PCDHA4: variants seen among roughly 807,000 people sequenced by gnomAD.
The protein encoded by PCDHA4 is protocadherin alpha 4, also known as protocadherin alpha-4.
Under a neutral mutation model 61.4 loss-of-function variants are expected in PCDHA4, and 49 were observed. The observed-to-expected ratio is 0.80, with a 90% CI of 0.63 to 1.01. The LOEUF is 1.01. PCDHA4 is among the 50% of genes least tolerant of loss of function. The probability of loss-of-function intolerance (pLI) is 0.00; values close to 1 mark genes in which losing one functional copy is unlikely to be tolerated. For synonymous variants in PCDHA4, 590 were observed against 550.3 expected (o/e 1.07, Z -1.01); for missense variants, 1,254 against 1,235.8 (o/e 1.01, Z -0.22).
rs2150247452 is a variant in PCDHA4, at chr5:140,835,884, G to C, written c.2385+26312G>C. ...CTCGCTGGTGGAGCTGCGGGTGGGC[G>C]AGCGCGCGCTGTCGAGCTACGTGTC... On this transcript the variant is annotated intron_variant, in intron 1 of 3. Coordinates refer to ENST00000530339, the MANE Select transcript of PCDHA4 (RefSeq NM_018907.4). 57 of 1,611,848 alleles carry C rather than the reference G, an allele frequency of 3.5e-5. No individual in the cohort carries two copies. The highest frequency in any genetic ancestry group is 3.3e-5 in the Non-Finnish European group (39 of 1,179,644).
chr5:140,927,421 G>A, intron 1 of PCDHA4: 2 of 1,614,208 alleles, frequency 1.2e-6, no homozygotes, highest in South Asian at 1.1e-5. Flanking sequence ...GGGATCGCGG[G>A]TTGACGGCAG....
Position 140,927,792 on chromosome 5 carries a change from T to C in PCDHA4, c.2386-51157T>C, listed in dbSNP as rs12522306. On this transcript the variant is annotated intron_variant, in intron 1 of 3. Coordinates refer to ENST00000530339, the MANE Select transcript of PCDHA4 (RefSeq NM_018907.4). The stretch of plus-strand genomic sequence containing the variant: ...AGGTGCAAGTAGCTGCTTCACTAGG[T>C]CCGCCTGAAACGCTCTTGGAGGCAT... 8,419 of 1,614,148 alleles carry C rather than the reference T, an allele frequency of 5.2e-3. 630 individuals carry two copies. The Admixed American group carries it at 0.13, about 25-fold the overall frequency.
intron 1 of PCDHA4, among the ~76,000 whole-genome samples, chr5:140,911,327 C>T (rs2153517846): frequency 6.6e-6 from 1 of 152,324 alleles, no homozygotes; most frequent in South Asian, 2.1e-4. Context: ...GGATCCCATT[C>T]TTTTCCAATC....
intron 1 of PCDHA4, among the ~76,000 whole-genome samples, chr5:140,901,280 T>G (rs1554189719): frequency 1.3e-5 from 2 of 152,132 alleles, no homozygotes. Context: ...CTCAAGAAAT[T>G]TTTGCCCAGA....
rs142150910 is a variant in PCDHA4, at chr5:140,945,405, C to T, written c.2386-33544C>T. ...AGCAATATACAAATTCAATACAATTCGTATCAAAATTTCAATGAAGTTTTT... is the reference window on the plus strand; with the variant it reads ...AGCAATATACAAATTCAATACAATTTGTATCAAAATTTCAATGAAGTTTTT... On this transcript the variant is annotated intron_variant, in intron 1 of 3. Transcript: ENST00000530339. Among the ~76,000 whole-genome samples, 454 of 152,016 alleles carry T rather than the reference C, an allele frequency of 3.0e-3. 3 individuals are homozygous for T. Among genetic ancestry groups the T allele is most frequent in the African/African-American group, 9.6e-3 (400 of 41,488 alleles).
Position 140,835,798 on chromosome 5 carries a change from G to C in PCDHA4, c.2385+26226G>C, listed in dbSNP as rs2150245143. 6.8e-6 allele frequency: 11 copies of C among 1,612,744 alleles called. No individual in the cohort carries two copies. Among genetic ancestry groups the C allele is most frequent in the Middle Eastern group, 1.9e-4 (1 of 5,380 alleles). ...GTGAAGGAGAACAACCCGCCGGGCT[G>C]CCACATCTTCACTGTGTCGGCGGGG... On this transcript the variant is annotated intron_variant, in intron 1 of 3. Coordinates refer to ENST00000530339, the MANE Select transcript of PCDHA4 (RefSeq NM_018907.4).
intron 1 of PCDHA4, chr5:140,811,929 A>C (rs1399934470): frequency 2.6e-5 from 4 of 151,600 alleles, no homozygotes; most frequent in African/African-American, 9.7e-5. Context: ...GATTGCAAAA[A>C]TTTTCTCCCA....
intron 3 of PCDHA4, among the ~76,000 whole-genome samples, chr5:141,008,087 A>G (rs1033572346): frequency 7.2e-5 from 11 of 152,172 alleles, no homozygotes; most frequent in African/African-American, 2.7e-4. Flanking sequence ...GTTATTCTAC[A>G]TGACAAAGAA....
intron 1 of PCDHA4, among the ~76,000 whole-genome samples, chr5:140,819,544 C>A (rs1389575775): frequency 6.6e-6 from 1 of 152,036 alleles, no homozygotes; most frequent in Admixed American, 6.5e-5. Flanking sequence ...TAATCTGTAA[C>A]ATTTGATTGA....
At chr5:140,972,132 A>C (rs1412850121) in intron 1 of PCDHA4, among the ~76,000 whole-genome samples, 9 of 152,062 alleles carry the variant, frequency 5.9e-5, no homozygotes, top group African/African-American at 2.2e-4. Context: ...TCAGTGAGTT[A>C]CTACTATTTT....
chr5:140,875,874 A>G (rs782173743), intron 1 of PCDHA4: 2 of 1,614,188 alleles, frequency 1.2e-6, no homozygotes, highest in East Asian at 4.5e-5. Context: ...CGGTGTTCAG[A>G]GAAAGGGAAC....
chr5:140,840,409 T>C (rs1242037387), intron 1 of PCDHA4, among the ~76,000 whole-genome samples: 1 of 151,904 alleles, frequency 6.6e-6, no homozygotes, highest in East Asian at 1.9e-4. Context: ...TAAGAATACT[T>C]CAAATAATAG....
chr5:140,875,637 G>T, intron 1 of PCDHA4: 1 of 1,613,638 alleles, frequency 6.2e-7, no homozygotes, highest in Non-Finnish European at 8.5e-7. Flanking sequence ...TGGGGCTGGA[G>T]CTGGCGGAGC....
intron 1 of PCDHA4, among the ~76,000 whole-genome samples, chr5:140,947,798 A>C (rs1164932467): frequency 7.3e-5 from 11 of 151,710 alleles, no homozygotes; most frequent in African/African-American, 1.9e-4. Context: ...CAGACTTTTA[A>C]TTTGCAGAGA....
intron 1 of PCDHA4, chr5:140,860,114 T>C (rs2046188052): frequency 6.6e-6 from 1 of 151,042 alleles, no homozygotes. Context: ...CATAGGGATA[T>C]CTTGTACTGT....
At position 140,807,588 on chromosome 5, in the gene PCDHA4, C is replaced by G. The variant is rs146575746; in HGVS notation, c.401C>G (p.Pro134Arg). ...ATTAACGATAACCCGCCGGTGTTCCCAGCAACACAAAAGAACCTGTCCATC... is the reference window on the plus strand; with the variant it reads ...ATTAACGATAACCCGCCGGTGTTCCGAGCAACACAAAAGAACCTGTCCATC... ...RDINDNPPVFPATQKNLSIAE... is the reference protein window; with the variant it reads ...RDINDNPPVFRATQKNLSIAE... The change falls in exon 1 of 4, where the codon CCA (proline) becomes CGA (arginine). Residue 134 changes from proline to arginine, a missense_variant. Coordinates refer to ENST00000530339, the MANE Select transcript of PCDHA4 (RefSeq NM_018907.4). 1 of 1,614,134 alleles carries G rather than the reference C, an allele frequency of 6.2e-7. No homozygotes were observed. The highest frequency in any genetic ancestry group is 1.7e-5 in the Admixed American group (1 of 60,008).
At chr5:140,873,009 T>C (rs1397141967) in intron 1 of PCDHA4, among the ~76,000 whole-genome samples, 1 of 152,224 alleles carries the variant, frequency 6.6e-6, no homozygotes, top group African/African-American at 2.4e-5. Context: ...TCATTCTTCA[T>C]ATTTAGTTAT....
chr5:140,969,371 T>C (rs2096324872), intron 1 of PCDHA4: 1 of 1,607,688 alleles, frequency 6.2e-7, no homozygotes, highest in Non-Finnish European at 8.5e-7. Context: ...AACTCATGCA[T>C]TTGTTACACA....
chr5:140,997,132 C>A (rs1189394609), intron 3 of PCDHA4, among the ~76,000 whole-genome samples: 1 of 152,076 alleles, frequency 6.6e-6, no homozygotes, highest in Non-Finnish European at 1.5e-5. Flanking sequence ...CACAATGCCC[C>A]CACACCCCCG....
Sources: gnomAD v4.1 joint callset for allele counts (sites outside exome capture counted in the v4.1 genomes callset) on GRCh38, gnomAD v4.1.1 for gene constraint, MANE v1.5 for transcripts, NCBI Gene and HGNC (gene_info 2026-07-23, HGNC 2026-07-21) for gene names.